SPIDR: variants seen among roughly 807,000 people sequenced by gnomAD.
SPIDR encodes DNA repair-scaffolding protein.
In SPIDR, 93 loss-of-function variants were observed where a neutral mutation model predicts 104.6. The observed-to-expected ratio is 0.89, with a 90% CI of 0.75 to 1.06. The LOEUF is 1.06. SPIDR is among the 50% of genes least tolerant of loss of function. The pLI, the probability that SPIDR is intolerant of heterozygous loss-of-function variation, is 0.00. For synonymous variants in SPIDR, 431 were observed against 416.9 expected, an observed-to-expected ratio of 1.03 and a Z score of -0.41; for missense variants, 1,154 against 1,111.2, an observed-to-expected ratio of 1.04 and a Z score of -0.55.
At chr8:47,481,444 C>T (rs1387049034) in intron 8 of SPIDR, among the ~76,000 whole-genome samples, 2 of 152,110 alleles carry the variant, frequency 1.3e-5, no homozygotes, top group Non-Finnish European at 1.5e-5. Context: ...CGAGACCAGC[C>T]TGGCCAACAT....
intron 5 of SPIDR, among the ~76,000 whole-genome samples, chr8:47,313,842 G>A (rs2044718243): frequency 6.6e-6 from 1 of 152,162 alleles, no homozygotes; most frequent in African/African-American, 2.4e-5. Context: ...CACCTTTAAA[G>A]TACTGGGAAA....
At chr8:47,470,724 C>T (rs2154357543) in intron 8 of SPIDR, among the ~76,000 whole-genome samples, 1 of 152,190 alleles carries the variant, frequency 6.6e-6, no homozygotes, top group East Asian at 1.9e-4. Context: ...ACTTAAAATA[C>T]ATTAAAAGAC....
chr8:47,331,027 A>T, intron 5 of SPIDR: 1 of 307,630 alleles, frequency 3.3e-6, no homozygotes, highest in Non-Finnish European at 6.6e-6. Context: ...TGTCAGTGTT[A>T]GGAATTTTAG....
At chr8:47,699,003 G>A (rs2079748231) in intron 11 of SPIDR, among the ~76,000 whole-genome samples, 1 of 152,038 alleles carries the variant, frequency 6.6e-6, no homozygotes, top group African/African-American at 2.4e-5. Context: ...GTCTGGAAAG[G>A]GTTGTTTATT....
chr8:47,599,239 C>T (rs771522212), intron 10 of SPIDR, 43 bp downstream of exon 10: 23 of 1,602,330 alleles, frequency 1.4e-5, no homozygotes, highest in Middle Eastern at 1.9e-4. Flanking sequence ...TGAAGAGTCA[C>T]TTAGACAGAG....
intron 5 of SPIDR, among the ~76,000 whole-genome samples, chr8:47,354,151 A>G (rs1397721931): frequency 3.3e-5 from 5 of 152,214 alleles, no homozygotes; most frequent in Non-Finnish European, 7.3e-5. Context: ...TTATATCTTT[A>G]AAGAAAATAT....
intron 8 of SPIDR, among the ~76,000 whole-genome samples, chr8:47,591,735 C>CA (rs996568285): frequency 1.1e-4 from 17 of 151,666 alleles, no homozygotes; most frequent in Non-Finnish European, 2.4e-4. Context: ...ATTAGATCAC[C>CA]AAAAAAGGGG....
Position 47,392,990 on chromosome 8 carries a change from A to G in SPIDR, c.526-3386A>G, listed in dbSNP as rs930501696. Among the ~76,000 whole-genome samples, 4 of 152,130 alleles carry G rather than the reference A, an allele frequency of 2.6e-5. No individual in the cohort carries two copies. The South Asian group carries it at 6.2e-4, about 24-fold the overall frequency. On this transcript the variant is annotated intron_variant, in intron 5 of 19. Coordinates refer to ENST00000297423, the MANE Select transcript of SPIDR (RefSeq NM_001080394.4). Reference sequence around the variant, plus strand: ...TGTTGTTGCTATTTCCAAGGTTCCAATTTGGACCTTCTCTTCTTCCTTTCA... The same window carrying G: ...TGTTGTTGCTATTTCCAAGGTTCCAGTTTGGACCTTCTCTTCTTCCTTTCA...
At chr8:47,490,307 C>T (rs1214529900) in intron 8 of SPIDR, among the ~76,000 whole-genome samples, 3 of 152,154 alleles carry the variant, frequency 2.0e-5, no homozygotes, top group South Asian at 4.1e-4. Context: ...GATACCATGT[C>T]ACACCAGTTA....
rs1334111297 is a variant in SPIDR, at chr8:47,681,737, G to A, written c.1685+7796G>A. ...ACACATTAATTGATTCTTATACAAG[G>A]AGTCTTTATCTTAATAATCTGCTTA... is the stretch of plus-strand genomic sequence containing the variant. On this transcript the variant is annotated intron_variant, in intron 11 of 19. Coordinates refer to ENST00000297423, the MANE Select transcript of SPIDR (RefSeq NM_001080394.4). Among the ~76,000 whole-genome samples, 9 of 152,228 alleles carry A rather than the reference G, an allele frequency of 5.9e-5. No individual in the cohort carries two copies. The East Asian group carries it at 1.7e-3, about 29-fold the overall frequency.
chr8:47,548,541 G>A (rs1014282427), intron 8 of SPIDR, among the ~76,000 whole-genome samples: 6 of 152,102 alleles, frequency 3.9e-5, no homozygotes, highest in Non-Finnish European at 7.3e-5. Flanking sequence ...CCAGCTACTC[G>A]GGAGGCTGAG....
chr8:47,585,197 A>G (rs1266745220), intron 8 of SPIDR, among the ~76,000 whole-genome samples: 2 of 152,228 alleles, frequency 1.3e-5, no homozygotes, highest in South Asian at 2.1e-4. Flanking sequence ...TTTATCTTCT[A>G]TCAGGGAAAT....
At chr8:47,506,920 C>T (rs185756140) in intron 8 of SPIDR, among the ~76,000 whole-genome samples, 2 of 152,290 alleles carry the variant, frequency 1.3e-5, no homozygotes, top group East Asian at 3.9e-4. Flanking sequence ...AATAGCTGAG[C>T]TCTGTGCAGG....
rs778285034 is a variant in SPIDR, at chr8:47,595,982, A to G, written c.1269A>G (p.Leu423=). Reference sequence around the variant, plus strand: ...CCCAGATGTTTGTAATTAAGGGTCTAACAAATAATTCACCTGAAATCCAGG... The same window carrying G: ...CCCAGATGTTTGTAATTAAGGGTCTGACAAATAATTCACCTGAAATCCAGG... The part of the protein sequence containing the change: ...SLAQMFVIKG[L]TNNSPEIQVV... Residue 423 remains leucine (L), a synonymous_variant, in exon 9 of 20, where the codon CTA becomes CTG. Coordinates refer to ENST00000297423, the MANE Select transcript of SPIDR (RefSeq NM_001080394.4). 2 of 1,611,906 alleles carry G rather than the reference A, an allele frequency of 1.2e-6. No homozygotes were observed. The highest frequency in any genetic ancestry group is 2.7e-5 in the African/African-American group (2 of 74,702).
chr8:47,287,952 T>C (rs2039180330), intron 3 of SPIDR, among the ~76,000 whole-genome samples: 1 of 152,206 alleles, frequency 6.6e-6, no homozygotes, highest in African/African-American at 2.4e-5. Context: ...AAATGAAATC[T>C]TCACAATTTA....
At chr8:47,322,317 G>C (rs1439060753) in intron 5 of SPIDR, among the ~76,000 whole-genome samples, 3 of 152,206 alleles carry the variant, frequency 2.0e-5, no homozygotes, top group African/African-American at 7.2e-5. Context: ...CATTTATGCA[G>C]CCAAAAGACA....
At chr8:47,309,164 A>G (rs1344545445) in intron 5 of SPIDR, among the ~76,000 whole-genome samples, 1 of 152,190 alleles carries the variant, frequency 6.6e-6, no homozygotes. Flanking sequence ...TTATATAAAA[A>G]CTGATAAAAT....
At chr8:47,560,068 A>G (rs1476736110) in intron 8 of SPIDR, among the ~76,000 whole-genome samples, 4 of 152,310 alleles carry the variant, frequency 2.6e-5, no homozygotes, top group East Asian at 1.9e-4. Context: ...TTGACAAGCC[A>G]TACATCTTAT....
chr8:47,723,218 C>A lies in SPIDR; in HGVS notation c.2342-3982C>A, dbSNP rs553850465. Among the ~76,000 whole-genome samples, 7 of 152,208 alleles carry A rather than the reference C, an allele frequency of 4.6e-5. No homozygotes were observed. The South Asian group carries it at 1.5e-3, about 32-fold the overall frequency. On this transcript the variant is annotated intron_variant, in intron 16 of 19. Coordinates refer to ENST00000297423, the MANE Select transcript of SPIDR (RefSeq NM_001080394.4). ...AGTTGGTTCTTGTTTTTTGTTCACT[C>A]CGATAGTCTCTGTCATTTAATTTGT...
Sources: gnomAD v4.1 joint callset for allele counts (sites outside exome capture counted in the v4.1 genomes callset) on GRCh38, gnomAD v4.1.1 for gene constraint, MANE v1.5 for transcripts, NCBI Gene and HGNC (gene_info 2026-07-23, HGNC 2026-07-21) for gene names.